Variants in ANKRD31 observed in about 807,000 individuals in gnomAD.
ANKRD31 encodes the protein ankyrin repeat domain 31, also known as ankyrin repeat domain-containing protein 31.
ANKRD31 carries 147 observed loss-of-function variants against 186.0 expected under a neutral mutation model. That is an observed-to-expected ratio of 0.79 (90% CI 0.69 to 0.91). The LOEUF (loss-of-function observed/expected upper bound fraction) is 0.91. Ranked by LOEUF, ANKRD31 falls within the 40% of genes least tolerant of loss-of-function variation. The probability of loss-of-function intolerance (pLI) is 0.00; values close to 1 mark genes in which losing one functional copy is unlikely to be tolerated. For synonymous variants in ANKRD31, 673 were observed against 736.4 expected, an observed-to-expected ratio of 0.91 and a Z score of 1.39; for missense variants, 1,986 against 2,148.8, an observed-to-expected ratio of 0.92 and a Z score of 1.50.
At chr5:75,099,245 G>GT (rs1226299134) in intron 22 of ANKRD31, among the ~76,000 whole-genome samples, 1 of 152,088 alleles carries the variant, frequency 6.6e-6, no homozygotes. Flanking sequence ...ATTGATTTGC[G>GT]TATGTTGAAC....
intron 23 of ANKRD31, among the ~76,000 whole-genome samples, chr5:75,090,765 A>G (rs758131930): frequency 3.3e-5 from 5 of 152,238 alleles, no homozygotes; most frequent in Admixed American, 6.5e-5. Flanking sequence ...AGGGCTAGCA[A>G]TTCATGGATA....
At chr5:75,216,378 C>T (rs1756959296) in intron 3 of ANKRD31, among the ~76,000 whole-genome samples, 1 of 152,086 alleles carries the variant, frequency 6.6e-6, no homozygotes, top group Non-Finnish European at 1.5e-5. Flanking sequence ...ACTTTTTAAA[C>T]CATGTTCTGA....
chr5:75,211,853 T>C (rs1339215696), intron 3 of ANKRD31, among the ~76,000 whole-genome samples: 1 of 152,182 alleles, frequency 6.6e-6, no homozygotes, highest in African/African-American at 2.4e-5. Context: ...TTTTCTGCTG[T>C]GGAGTTGTAA....
chr5:75,147,460 C>A lies in ANKRD31; in HGVS notation c.1951G>T (p.Glu651Ter), dbSNP rs1220152217. 1 of 1,485,330 alleles carries A rather than the reference C, an allele frequency of 6.7e-7. No homozygotes were observed. The highest frequency in any genetic ancestry group is 1.4e-5 in the South Asian group (1 of 73,400). The allele number at this position is 1,485,330 out of a possible 1,614,324, so 92.0% of individuals were successfully genotyped here. A position where few individuals can be genotyped will look rare whatever the true frequency, so the allele number is the denominator to read the frequency against. The part of the protein sequence containing the change: ...SKSHIWHVYN[E>*]NSNRQKLEHV... ...TCCAGCTTCTGTCTGTTGGAATTTT[C>A]ATTATAAACATGCCAAATGTGACTT... is the stretch of plus-strand genomic sequence containing the variant. Residue 651 changes from glutamate to a stop codon, truncating the protein, a stop_gained, in exon 14 of 26, where the codon GAA becomes TAA. Transcript: ENST00000506364. LOFTEE classifies it high-confidence loss of function.
At chr5:75,078,436 A>AT (rs796899569) in intron 25 of ANKRD31, among the ~76,000 whole-genome samples, 2 of 152,216 alleles carry the variant, frequency 1.3e-5, no homozygotes, top group South Asian at 2.1e-4. Flanking sequence ...AAAATAGCCT[A>AT]TTTTTTTCTG....
At chr5:75,232,568 T>C (rs1580607856) in intron 1 of ANKRD31, among the ~76,000 whole-genome samples, 1 of 45,162 alleles carries the variant, frequency 2.2e-5, no homozygotes, top group African/African-American at 5.6e-4. Context: ...TTTGTGTGTT[T>C]TTTTTTTTTA....
intron 19 of ANKRD31, among the ~76,000 whole-genome samples, chr5:75,115,955 C>T (rs1748205105): frequency 6.6e-6 from 1 of 152,036 alleles, no homozygotes. Flanking sequence ...AAGACACATG[C>T]ACACGTATGT....
At chr5:75,234,805 C>A (rs1758157675) in intron 1 of ANKRD31, among the ~76,000 whole-genome samples, 1 of 148,854 alleles carries the variant, frequency 6.7e-6, no homozygotes, top group Non-Finnish European at 1.5e-5. Context: ...TAAAAGAATC[C>A]CTTTTTGGCT....
chr5:75,096,722 G>A (rs911799785), intron 22 of ANKRD31, among the ~76,000 whole-genome samples: 8 of 151,590 alleles, frequency 5.3e-5, no homozygotes, highest in African/African-American at 4.9e-5. Flanking sequence ...GTGCAGTTTC[G>A]TTACATATGT....
At chr5:75,142,901 G>A (rs756299007) in intron 15 of ANKRD31, among the ~76,000 whole-genome samples, 6 of 152,140 alleles carry the variant, frequency 3.9e-5, no homozygotes, top group Non-Finnish European at 7.4e-5. Flanking sequence ...ATATGATTAA[G>A]TGCTGCTAGA....
intron 17 of ANKRD31, among the ~76,000 whole-genome samples, chr5:75,118,671 G>A (rs1196719939): frequency 6.6e-6 from 1 of 152,140 alleles, no homozygotes; most frequent in Non-Finnish European, 1.5e-5. Flanking sequence ...TTGAGCATTT[G>A]AAATGTGGCT....
intron 23 of ANKRD31, among the ~76,000 whole-genome samples, chr5:75,089,369 C>A (rs926879054): frequency 2.3e-4 from 35 of 152,182 alleles, no homozygotes; most frequent in Non-Finnish European, 4.1e-4. Context: ...CTGTCAGATA[C>A]AGGGCAATAC....
intron 10 of ANKRD31, among the ~76,000 whole-genome samples, chr5:75,177,947 TAA>T (rs200867343): frequency 0.011 from 1,701 of 152,154 alleles, 35 homozygotes; most frequent in African/African-American, 0.039. Context: ...GCAAACTGGA[TAA>T]AGAGTCAAGA....
At chr5:75,131,796 C>T (rs1749861347) in intron 17 of ANKRD31, among the ~76,000 whole-genome samples, 1 of 152,120 alleles carries the variant, frequency 6.6e-6, no homozygotes, top group Non-Finnish European at 1.5e-5. Flanking sequence ...TGCCAGGTGT[C>T]CCTCTGAGAC....
chr5:75,159,734 C>A (rs1461752226), intron 11 of ANKRD31, among the ~76,000 whole-genome samples: 9 of 149,824 alleles, frequency 6.0e-5, no homozygotes, highest in African/African-American at 2.2e-4. Context: ...CTAAAGGTAA[C>A]TGGGCTGAAA....
chr5:75,234,223 T>G (rs929538283), intron 1 of ANKRD31, among the ~76,000 whole-genome samples: 3 of 152,196 alleles, frequency 2.0e-5, no homozygotes, highest in South Asian at 2.1e-4. Context: ...CACAAAAGCC[T>G]ACATAGAAAG....
chr5:75,096,954 T>C (rs1272764359), intron 22 of ANKRD31, among the ~76,000 whole-genome samples: 1 of 152,182 alleles, frequency 6.6e-6, no homozygotes, highest in Non-Finnish European at 1.5e-5. Context: ...AATGATGGTA[T>C]ACAGCTTCAT....
chr5:75,071,793 C>A (rs111639171), intron 25 of ANKRD31, among the ~76,000 whole-genome samples: 1 of 152,034 alleles, frequency 6.6e-6, no homozygotes, highest in African/African-American at 2.4e-5. Flanking sequence ...CCACCGCGCC[C>A]GGCCGAAAAA....
intron 25 of ANKRD31, among the ~76,000 whole-genome samples, chr5:75,073,412 G>A (rs1453481723): frequency 6.6e-6 from 1 of 152,108 alleles, no homozygotes; most frequent in Non-Finnish European, 1.5e-5. Context: ...TCATCACTAT[G>A]TTGTTTACAC....
Sources: gnomAD v4.1 joint callset for allele counts (sites outside exome capture counted in the v4.1 genomes callset) on GRCh38, gnomAD v4.1.1 for gene constraint, MANE v1.5 for transcripts, NCBI Gene and HGNC (gene_info 2026-07-23, HGNC 2026-07-21) for gene names.